The following AKAP13 variants were observed in gnomAD, a reference collection of about 807,000 sequenced individuals.
AKAP13 encodes A-kinase anchoring protein 13.
Under a neutral mutation model 264.5 loss-of-function variants are expected in AKAP13, and 80 were observed. The ratio of observed to expected loss-of-function variants is 0.30; its 90% CI spans 0.25 to 0.36. The LOEUF (loss-of-function observed/expected upper bound fraction) is 0.36, where lower values mean the gene tolerates loss of function less well. Among genes scored for constraint, AKAP13 ranks in the 10% least tolerant of loss-of-function variants. AKAP13 has a pLI of 1.00. For synonymous variants in AKAP13, 1,380 were observed against 1,250.2 expected, an observed-to-expected ratio of 1.10 and a Z score of -2.19; for missense variants, 3,712 against 3,435.2, an observed-to-expected ratio of 1.08 and a Z score of -2.01.
rs796432541 is a variant in AKAP13, at chr15:85,664,627, G to A, written c.4864G>A (p.Val1622Ile). Reference sequence around the variant, plus strand: ...AAACAAGCCATCCTCATCTCTAGAAGTAAGCTCTGCAAATGCCGAAGAGCT... The same window carrying A: ...AAACAAGCCATCCTCATCTCTAGAAATAAGCTCTGCAAATGCCGAAGAGCT... Reference protein sequence around the residue: ...VGNKPSSSLEVSSANAEELRH... With the variant: ...VGNKPSSSLEISSANAEELRH... The change falls in exon 13 of 37, where the codon GTA (valine) becomes ATA (isoleucine). Residue 1622 changes from valine to isoleucine, a missense_variant. By Grantham distance (29) the Val-to-Ile change is conservative (BLOSUM62 3). Coordinates refer to ENST00000394518, the MANE Select transcript of AKAP13 (RefSeq NM_007200.5). 5 of 1,614,132 alleles carry A rather than the reference G, an allele frequency of 3.1e-6. No homozygotes were observed. The Admixed American group carries it at 5.0e-5, about 16-fold the overall frequency.
At position 85,744,759 on chromosome 15, in the gene AKAP13, T is replaced by C. The variant is rs2089318976; in HGVS notation, c.*82T>C. 1 of 1,336,962 alleles carries C rather than the reference T, an allele frequency of 7.5e-7. No homozygotes were observed. Among genetic ancestry groups the C allele is most frequent in the Non-Finnish European group, 1.0e-6 (1 of 980,816 alleles). 82.8% of individuals were successfully genotyped at this position (1,336,962 alleles called of 1,614,324 possible). On this transcript the variant is annotated 3_prime_UTR_variant, in exon 37 of 37. Coordinates refer to ENST00000394518, the MANE Select transcript of AKAP13 (RefSeq NM_007200.5). The stretch of plus-strand genomic sequence containing the variant: ...TGCTGTCCCCGCGTGCACAAGTCTC[T>C]TACACTGGACGCCCACTGCTCCTCA...
intron 1 of AKAP13, among the ~76,000 whole-genome samples, chr15:85,482,912 A>T (rs2075393426): frequency 6.6e-6 from 1 of 152,208 alleles, no homozygotes; most frequent in African/African-American, 2.4e-5. Context: ...TCTTTTCAGC[A>T]GCCTGTGTTG....
intron 5 of AKAP13, among the ~76,000 whole-genome samples, chr15:85,553,846 G>A (rs1027076149): frequency 6.6e-6 from 1 of 152,114 alleles, no homozygotes; most frequent in Admixed American, 6.5e-5. Context: ...AGTGGAAACC[G>A]TATCGTGAAC....
intron 17 of AKAP13, among the ~76,000 whole-genome samples, chr15:85,703,213 T>A (rs1024182902): frequency 5.3e-5 from 8 of 152,304 alleles, no homozygotes; most frequent in Non-Finnish European, 1.0e-4. Context: ...TTATAGTTCA[T>A]TGCTTATATG....
At chr15:85,605,044 C>G (rs2080257762) in intron 8 of AKAP13, among the ~76,000 whole-genome samples, 1 of 152,072 alleles carries the variant, frequency 6.6e-6, no homozygotes. Flanking sequence ...CATGGGTGCC[C>G]CTGGTAATAA....
chr15:85,465,595 T>C (rs1355611662), intron 1 of AKAP13, among the ~76,000 whole-genome samples: 1 of 148,496 alleles, frequency 6.7e-6, no homozygotes, highest in Non-Finnish European at 1.5e-5. Flanking sequence ...AGTGAGAACA[T>C]GCGGTGTTTG....
At chr15:85,609,445 A>T (rs952922702) in intron 8 of AKAP13, among the ~76,000 whole-genome samples, 3 of 152,076 alleles carry the variant, frequency 2.0e-5, no homozygotes, top group South Asian at 4.1e-4. Context: ...AAATAACAGG[A>T]TTTCATTATT....
intron 4 of AKAP13, among the ~76,000 whole-genome samples, chr15:85,538,424 C>T (rs1157279359): frequency 6.6e-6 from 1 of 151,966 alleles, no homozygotes; most frequent in East Asian, 1.9e-4. Flanking sequence ...GTTAATAGGT[C>T]GCCCACCATA....
intron 8 of AKAP13, among the ~76,000 whole-genome samples, chr15:85,617,704 A>T (rs996820647): frequency 1.3e-5 from 2 of 152,214 alleles, no homozygotes; most frequent in African/African-American, 2.4e-5. Context: ...TGTGTTCAAA[A>T]AAAGAAGAAG....
At chr15:85,637,517 T>C (rs2082115971) in intron 8 of AKAP13, among the ~76,000 whole-genome samples, 1 of 152,208 alleles carries the variant, frequency 6.6e-6, no homozygotes, top group Non-Finnish European at 1.5e-5. Flanking sequence ...CATTTGTCGC[T>C]TTTCTTTTTT....
intron 12 of AKAP13, among the ~76,000 whole-genome samples, chr15:85,664,217 A>T (rs905947665): frequency 6.6e-6 from 1 of 152,256 alleles, no homozygotes; most frequent in Non-Finnish European, 1.5e-5. Context: ...TTAGATTCAC[A>T]AAGATTAATT....
At chr15:85,476,875 G>A (rs993014658) in intron 1 of AKAP13, among the ~76,000 whole-genome samples, 13 of 152,092 alleles carry the variant, frequency 8.5e-5, no homozygotes, top group Non-Finnish European at 2.9e-5. Context: ...ATTTTTTACA[G>A]AAGAAATGTA....
At chr15:85,648,528 T>C (rs2082662138) in intron 10 of AKAP13, among the ~76,000 whole-genome samples, 2 of 152,172 alleles carry the variant, frequency 1.3e-5, no homozygotes, top group Non-Finnish European at 2.9e-5. Context: ...GATTTTTTTT[T>C]TCAAGAATAT....
chr15:85,498,199 G>GATATATATATATATATATATATATAT lies in AKAP13; in HGVS notation c.33+12449_33+12474dup, dbSNP rs59420326. Among the ~76,000 whole-genome samples the GATATATATATATATATATATATATAT allele has an allele frequency of 6.3e-4, 84 of 133,024 alleles. 1 individual carries two copies. Among genetic ancestry groups the GATATATATATATATATATATATATAT allele is most frequent in the African/African-American group, 2.3e-3 (80 of 34,794 alleles). 87.3% of individuals were successfully genotyped at this position (133,024 alleles called of 152,430 possible). A position where few individuals can be genotyped will look rare whatever the true frequency, so the allele number is the denominator to read the frequency against. On this transcript the variant is annotated intron_variant, in intron 2 of 36. Transcript: ENST00000394518. ...TGGTAGTAAGGATTAAATGAAGTGA[G>GATATATATATATATATATATATATAT]ATATATATATATATATATATATATA...
chr15:85,430,516 G>T (rs886567114), intron 1 of AKAP13, among the ~76,000 whole-genome samples: 1 of 152,110 alleles, frequency 6.6e-6, no homozygotes, highest in Non-Finnish European at 1.5e-5. Context: ...AGTGGCTGGC[G>T]GTGGGTTTGT....
chr15:85,572,595 T>C (rs1017905455), intron 5 of AKAP13, among the ~76,000 whole-genome samples: 1 of 152,162 alleles, frequency 6.6e-6, no homozygotes, highest in Middle Eastern at 3.2e-3. Flanking sequence ...GAGTACACTT[T>C]ATTATTATTA....
intron 1 of AKAP13, among the ~76,000 whole-genome samples, chr15:85,431,920 A>G (rs915875838): frequency 6.6e-6 from 1 of 152,204 alleles, no homozygotes; most frequent in African/African-American, 2.4e-5. Context: ...AGAAATGTCA[A>G]CAGTGGTACA....
intron 4 of AKAP13, chr15:85,535,023 C>G (rs2077347423): frequency 6.6e-6 from 1 of 152,168 alleles, no homozygotes; most frequent in Non-Finnish European, 1.5e-5. Flanking sequence ...CCAGAAGGGT[C>G]TGCTTGTACT....
At chr15:85,607,523 C>A (rs1305991878) in intron 8 of AKAP13, among the ~76,000 whole-genome samples, 2 of 151,986 alleles carry the variant, frequency 1.3e-5, no homozygotes, top group Non-Finnish European at 2.9e-5. Context: ...AACTGAGGAA[C>A]AGAAAGGTTT....
Sources: gnomAD v4.1 joint callset for allele counts (sites outside exome capture counted in the v4.1 genomes callset) on GRCh38, gnomAD v4.1.1 for gene constraint, MANE v1.5 for transcripts, NCBI Gene and HGNC (gene_info 2026-07-23, HGNC 2026-07-21) for gene names.